NAGK: variants seen among roughly 807,000 people sequenced by gnomAD.
The protein encoded by NAGK is N-acetylglucosamine kinase.
Under a neutral mutation model 42.9 loss-of-function variants are expected in NAGK, and 35 were observed. That is an observed-to-expected ratio of 0.82 (90% CI 0.62 to 1.08). The LOEUF (loss-of-function observed/expected upper bound fraction) is 1.08, where lower values mean the gene tolerates loss of function less well. Ranked by LOEUF, NAGK falls within the 50% of genes least tolerant of loss-of-function variation. The pLI is 0.00. For synonymous variants in NAGK, 172 were observed against 176.0 expected (o/e 0.98, Z 0.18); for missense variants, 446 against 446.0 (o/e 1.00, Z 0.00).
chr2:71,068,709 AG>A lies in NAGK; in HGVS notation c.29+1del. On this transcript the variant is annotated frameshift_variant and splice_region_variant, in exon 1 of 10. Coordinates refer to ENST00000244204, the MANE Select transcript of NAGK (RefSeq NM_017567.6). LOFTEE classifies it high-confidence loss of function. ...ATGGCCGCGATCTATGGGGGTGTAG[AG>A]GGGTGAGTGCGGCCCGGCGGAGGGA... MAAIYGGV[E>X]GGGTRSEVLL... The A allele has an allele frequency of 6.7e-7, 1 of 1,484,820 alleles. No homozygotes were observed. Among genetic ancestry groups the A allele is most frequent in the Non-Finnish European group, 8.9e-7 (1 of 1,120,592 alleles). 92.0% of individuals were successfully genotyped at this position (1,484,820 alleles called of 1,614,324 possible).
chr2:71,072,825 G>T, intron 5 of NAGK, 74 bp downstream of exon 5: 1 of 1,407,880 alleles, frequency 7.1e-7, no homozygotes, highest in Non-Finnish European at 9.9e-7. Context: ...TCTCTCCTTA[G>T]CCTTGGCTCA....
chr2:71,068,591 G>C, upstream of NAGK: 1 of 1,522,330 alleles, frequency 6.6e-7, no homozygotes, highest in Non-Finnish European at 8.8e-7. Context: ...GGAGGTCACG[G>C]GAAGTGGGGC....
intron 4 of NAGK, 130 bp downstream of exon 4, chr2:71,071,957 A>G: frequency 8.0e-7 from 1 of 1,248,334 alleles, no homozygotes; most frequent in East Asian, 2.5e-5. Context: ...CAACTCTTTA[A>G]GTAGTTTAAG....
At chr2:71,071,623 G>A (rs941340629) in intron 3 of NAGK, 63 bp from the exon 4 acceptor site, 20 of 1,534,618 alleles carry the variant, frequency 1.3e-5, no homozygotes, top group East Asian at 7.2e-5. Flanking sequence ...AGGAGGGGGC[G>A]GGGGTTGAGA....
At position 71,078,331 on chromosome 2, in the gene NAGK, G is replaced by A. The variant is rs377566712; in HGVS notation, c.858G>A (p.Ala286=). Residue 286 remains alanine (A), a synonymous_variant, in exon 10 of 10, where the codon GCG becomes GCA. Coordinates refer to ENST00000244204, the MANE Select transcript of NAGK (RefSeq NM_017567.6). ...TCTTCCCTCCAGGTTTTCTTCTGGC[G>A]CTGACCCAGGGCAGAGAGATCCAGG... ...WELLKEGFLL[A]LTQGREIQAQ... is the part of the protein sequence containing the mutation. 1.6e-5 allele frequency: 26 copies of A among 1,613,836 alleles called. No homozygotes were observed. Among genetic ancestry groups the A allele is most frequent in the Middle Eastern group, 1.6e-4 (1 of 6,082 alleles).
At chr2:71,068,423 G>A (rs1258342113), upstream of NAGK, 3 of 1,296,998 alleles carry the variant, frequency 2.3e-6, no homozygotes, top group East Asian at 3.1e-5. Context: ...TCTGGAAGCA[G>A]GATCCAGGAG....
chr2:71,068,582 GA>G (rs1168955027), upstream of NAGK: 1 of 1,520,286 alleles, frequency 6.6e-7, no homozygotes, highest in Non-Finnish European at 8.8e-7. Context: ...GGCTGCGCGG[GA>G]GGTCACGGGA....
rs745605986 is a variant in NAGK, at chr2:71,077,645, G to C, written c.844+9G>C. On this transcript the variant is annotated intron_variant, in intron 9 of 9. Coordinates refer to ENST00000244204, the MANE Select transcript of NAGK (RefSeq NM_017567.6). The stretch of plus-strand genomic sequence containing the variant: ...GGAGCTGCTGAAGGAAGGTGAGCCT[G>C]GGGGGAGGCTGGAAGGGCAAGGGCA... The C allele has an allele frequency of 7.5e-6, 12 of 1,598,640 alleles. No individual in the cohort carries two copies. The highest frequency in any genetic ancestry group is 1.7e-4 in the Middle Eastern group (1 of 6,058).
At chr2:71,076,554 C>T (rs775769606) in intron 7 of NAGK, 50 bp from the exon 8 acceptor site, 41 of 1,440,490 alleles carry the variant, frequency 2.8e-5, no homozygotes, top group South Asian at 4.8e-5. Context: ...CCAGGAATGG[C>T]AGCTCCCTCC....
rs981277109 is a variant in NAGK at position 71,076,589 on chromosome 2, T to C, written c.668-15T>C. On this transcript the variant is annotated splice_polypyrimidine_tract_variant and intron_variant, in intron 7 of 9. Coordinates refer to ENST00000244204, the MANE Select transcript of NAGK (RefSeq NM_017567.6). The stretch of plus-strand genomic sequence containing the variant: ...CTTTCTCACCAGTTTCCTTCTTCCG[T>C]CCTCCCTACCCCAGGTGCTCAGCAG... 6.3e-6 allele frequency: 10 copies of C among 1,594,324 alleles called. No individual in the cohort carries two copies. The African/African-American group carries it at 1.2e-4, about 19-fold the overall frequency.
At chr2:71,068,505 A>C (rs752465880), upstream of NAGK, 1 of 1,432,074 alleles carries the variant, frequency 7.0e-7, no homozygotes. Flanking sequence ...AGCCTGAGGG[A>C]CGCAGCCATC....
chr2:71,073,075 C>G, intron 5 of NAGK: 3 of 458,630 alleles, frequency 6.5e-6, no homozygotes, highest in South Asian at 6.1e-5. Flanking sequence ...GATGCCATAC[C>G]AGTCTGCTAG....
At position 71,078,829 on chromosome 2, in the gene NAGK, C is replaced by G; in HGVS notation, c.*321C>G. On this transcript the variant is annotated 3_prime_UTR_variant, in exon 10 of 10. Transcript: ENST00000244204. ...TTTGTCTGTGTGCTACCCTTCCCCC[C>G]ATATTACCATACATATGCACTGTGT... The G allele has an allele frequency of 1.5e-5, 4 of 268,930 alleles. No individual in the cohort carries two copies. In the South Asian group the frequency reaches 1.7e-4, roughly 11 times the overall value. The allele number at this position is 268,930 out of a possible 1,614,324, so 16.7% of individuals were successfully genotyped here.
At chr2:71,075,840 G>A (rs760398753) in intron 7 of NAGK, 198 bp downstream of exon 7, 42 of 586,056 alleles carry the variant, frequency 7.2e-5, no homozygotes, top group Non-Finnish European at 1.1e-4. Flanking sequence ...TGACAGTTTT[G>A]TATTACCTGT....
In NAGK at chr2:71,076,715, G is replaced by C; in HGVS notation, c.765+14G>C. The stretch of plus-strand genomic sequence containing the variant: ...GAGATTGACCCGGTGAGTTGAGGTG[G>C]GAGTGAAGGTGGGGAGCTGCTGGGT... On this transcript the variant is annotated intron_variant, in intron 8 of 9. Transcript: ENST00000244204. 6.2e-7 allele frequency: 1 copy of C among 1,608,784 alleles called. No individual in the cohort carries two copies. Among genetic ancestry groups the C allele is most frequent in the South Asian group, 1.1e-5 (1 of 90,882 alleles).
At chr2:71,077,436 C>A in intron 8 of NAGK, 122 bp from the exon 9 acceptor site, 2 of 879,090 alleles carry the variant, frequency 2.3e-6, no homozygotes, top group South Asian at 1.6e-5. Flanking sequence ...CTGAGTCTGT[C>A]TACTGTTTCT....
chr2:71,075,640 A>G lies in NAGK; in HGVS notation c.665A>G (p.Glu222Gly). 1 of 1,611,132 alleles carries G rather than the reference A, an allele frequency of 6.2e-7. No individual in the cohort carries two copies. The highest frequency in any genetic ancestry group is 8.5e-7 in the Non-Finnish European group (1 of 1,177,310). ...GCTGGGTTTTGCCGGAAAATTGCAGAAGGTACTGGAGGTGGGGGGTGGGTT... is the reference window on the plus strand; with the variant it reads ...GCTGGGTTTTGCCGGAAAATTGCAGGAGGTACTGGAGGTGGGGGGTGGGTT... ...RFAGFCRKIA[E>G]GAQQGDPLSR... is the part of the protein sequence containing the mutation. Residue 222 changes from glutamate (E) to glycine (G), a missense_variant and splice_region_variant, in exon 7 of 10, where the codon GAA (glutamate) becomes GGA (glycine). Transcript: ENST00000244204.
At chr2:71,072,965 C>G (rs1425712709) in intron 5 of NAGK, 2 of 609,282 alleles carry the variant, frequency 3.3e-6, no homozygotes, top group Non-Finnish European at 6.0e-6. Context: ...TGACTTGCAC[C>G]CAGGACTCAG....
chr2:71,068,669 G>T lies in NAGK; in HGVS notation c.-15G>T. On this transcript the variant is annotated 5_prime_UTR_variant, in exon 1 of 10. Transcript: ENST00000244204. ...AGACGCAAACGGCGGGACCAGCAGC[G>T]ACGGTAGCAGCAGCATGGCCGCGAT... The T allele has an allele frequency of 6.6e-7, 1 of 1,520,934 alleles. No individual in the cohort carries two copies. The highest frequency in any genetic ancestry group is 8.8e-7 in the Non-Finnish European group (1 of 1,134,186). 94.2% of individuals were successfully genotyped at this position (1,520,934 alleles called of 1,614,324 possible).
Sources: gnomAD v4.1 joint callset for allele counts on GRCh38, gnomAD v4.1.1 for gene constraint, MANE v1.5 for transcripts, NCBI Gene and HGNC (gene_info 2026-07-23, HGNC 2026-07-21) for gene names.